ULBP3: variants seen among roughly 807,000 people sequenced by gnomAD.
ULBP3 encodes the protein UL16 binding protein 3.
ULBP3 carries 25 observed loss-of-function variants against 24.9 expected under a neutral mutation model. That is an observed-to-expected ratio of 1.00 (90% CI 0.73 to 1.40). The LOEUF (loss-of-function observed/expected upper bound fraction) is 1.40, where lower values mean the gene tolerates loss of function less well. Ranked by LOEUF, ULBP3 falls within the 40% of genes most tolerant of loss-of-function variation. The pLI is 0.00. For missense variants in ULBP3, 306 were observed against 307.5 expected (o/e 1.00, Z 0.04); for synonymous variants, 114 against 114.7 (o/e 0.99, Z 0.04).
intron 1 of ULBP3, among the ~76,000 whole-genome samples, chr6:150,067,177 A>G (rs1776359272): frequency 6.6e-6 from 1 of 152,152 alleles, no homozygotes; most frequent in South Asian, 2.1e-4. Context: ...AGGAGGCTGA[A>G]AGTTGTCACC....
In ULBP3 at chr6:150,065,582, C is replaced by A; in HGVS notation, c.444G>T (p.Lys148Asn). Residue 148 changes from lysine to asparagine, a missense_variant, in exon 3 of 5, where the codon AAG becomes AAT. Coordinates refer to ENST00000367339, the MANE Select transcript of ULBP3 (RefSeq NM_024518.3). Reference sequence around the variant, plus strand: ...TGTTGTTTGAGTCAAAGAGGAGGAACTTCCGTCCATCGAAGCTGAACTGCC... The same window carrying A: ...TGTTGTTTGAGTCAAAGAGGAGGAAATTCCGTCCATCGAAGCTGAACTGCC... ...GSWQFSFDGR[K>N]FLLFDSNNRK... The A allele has an allele frequency of 6.2e-7, 1 of 1,614,214 alleles. No individual in the cohort carries two copies. The highest frequency in any genetic ancestry group is 8.5e-7 in the Non-Finnish European group (1 of 1,180,028).
At position 150,063,369 on chromosome 6, in the gene ULBP3, C is replaced by T. The variant is rs984006179; in HGVS notation, c.*23-18G>A. The T allele has an allele frequency of 1.0e-6, 1 of 977,978 alleles. No homozygotes were observed. Among genetic ancestry groups the T allele is most frequent in the African/African-American group, 1.8e-5 (1 of 57,088 alleles). 60.6% of individuals were successfully genotyped at this position (977,978 alleles called of 1,614,324 possible). ...CCTTCCACCTTGAGGAAAGATGAAG[C>T]ATTGGTTTAAGTGGCTGAGAAAAAC... On this transcript the variant is annotated intron_variant, in intron 4 of 4. Coordinates refer to ENST00000367339, the MANE Select transcript of ULBP3 (RefSeq NM_024518.3).
chr6:150,063,812 A>T (rs1436644271), intron 4 of ULBP3, among the ~76,000 whole-genome samples: 1 of 152,194 alleles, frequency 6.6e-6, no homozygotes, highest in Admixed American at 6.5e-5. Flanking sequence ...TGCCCCATTC[A>T]TTCCTGGCCA....
rs1200347988 is a variant in ULBP3 at position 150,069,094 on chromosome 6, G to C, written c.-28C>G. On this transcript the variant is annotated 5_prime_UTR_variant, in exon 1 of 5. Coordinates refer to ENST00000367339, the MANE Select transcript of ULBP3 (RefSeq NM_024518.3). ...TAGACCAGGAGCGCCCGGGACACAA[G>C]GCGCAGTCGATGTGGAGACCAGCGT... 6.2e-7 allele frequency: 1 copy of C among 1,602,822 alleles called. No individual in the cohort carries two copies. Among genetic ancestry groups the C allele is most frequent in the African/African-American group, 1.3e-5 (1 of 74,832 alleles).
At chr6:150,068,217 T>G (rs888632983) in intron 1 of ULBP3, among the ~76,000 whole-genome samples, 11 of 152,012 alleles carry the variant, frequency 7.2e-5, no homozygotes, top group African/African-American at 2.7e-4. Flanking sequence ...TTAATGCTAC[T>G]CAGCAACAAA....
Position 150,066,061 on chromosome 6 carries a change from A to T in ULBP3, c.190T>A (p.Ser64Thr), listed in dbSNP as rs1776341843. Residue 64 changes from serine (S) to threonine (T), a missense_variant, in exon 2 of 5, where the codon TCC becomes ACC. Physicochemically the swap from Ser to Thr is moderately conservative, Grantham distance 58. Coordinates refer to ENST00000367339, the MANE Select transcript of ULBP3 (RefSeq NM_024518.3). ...ACCTTGTCACTGCCACAGTCATAGG[A>T]GAGAAAATTCTTCTGATCCACCTGG... ...QSQVDQKNFL[S>T]YDCGSDKVLS... The T allele has an allele frequency of 1.9e-6, 3 of 1,614,218 alleles. No homozygotes were observed. The highest frequency in any genetic ancestry group is 2.5e-6 in the Non-Finnish European group (3 of 1,180,050).
chr6:150,064,527 C>G (rs905711639), intron 4 of ULBP3, 58 bp downstream of exon 4: 35 of 1,502,598 alleles, frequency 2.3e-5, no homozygotes, highest in African/African-American at 4.1e-5. Flanking sequence ...TTCTCCTTTC[C>G]CTTCCTCCCA....
rs1776333211 is a variant in ULBP3 at position 150,065,541 on chromosome 6, ACCACTGT to A, written c.478_484del (p.Thr160PhefsTer8). The A allele has an allele frequency of 6.2e-7, 1 of 1,614,096 alleles. No homozygotes were observed. The highest frequency in any genetic ancestry group is 2.2e-5 in the East Asian group (1 of 44,880). On this transcript the variant is annotated frameshift_variant, in exon 3 of 5. Coordinates refer to ENST00000367339, the MANE Select transcript of ULBP3 (RefSeq NM_024518.3). LOFTEE classifies it high-confidence loss of function. ...TTTCATCCGCCTGGCTCCAGCGTGA[ACCACTGT>A]CCACTTTCTGTTGTTTGAGTCAAAG...
chr6:150,068,067 G>T (rs1310097139), intron 1 of ULBP3, among the ~76,000 whole-genome samples: 1 of 152,112 alleles, frequency 6.6e-6, no homozygotes, highest in Non-Finnish European at 1.5e-5. Flanking sequence ...CCTGGGATGG[G>T]CAGGAGCAGG....
rs1244733281 is a variant in ULBP3, at chr6:150,062,150, A to C, written c.*1224T>G. Reference sequence around the variant, plus strand: ...GACCTTTGTCAGATGCAGAGTTTGCAAATAGTTTCCCCATTCTACACGCTG... The same window carrying C: ...GACCTTTGTCAGATGCAGAGTTTGCCAATAGTTTCCCCATTCTACACGCTG... On this transcript the variant is annotated 3_prime_UTR_variant, in exon 5 of 5. Transcript: ENST00000367339. Among the ~76,000 whole-genome samples the C allele has an allele frequency of 6.6e-6, 1 of 152,206 alleles. No individual in the cohort carries two copies. The highest frequency in any genetic ancestry group is 2.4e-5 in the African/African-American group (1 of 41,446).
intron 3 of ULBP3, among the ~76,000 whole-genome samples, chr6:150,065,116 C>T (rs538002667): frequency 9.2e-5 from 14 of 152,172 alleles, no homozygotes; most frequent in Non-Finnish European, 1.8e-4. Flanking sequence ...CACAATGACG[C>T]CCACAGTTTT....
intron 4 of ULBP3, among the ~76,000 whole-genome samples, chr6:150,064,137 C>T (rs567099832): frequency 1.4e-4 from 21 of 152,300 alleles, no homozygotes; most frequent in South Asian, 2.1e-4. Context: ...TGGGATTCCC[C>T]CAGGTTTCTC....
intron 1 of ULBP3, 76 bp downstream of exon 1, chr6:150,068,903 T>G: frequency 7.0e-7 from 1 of 1,435,670 alleles, no homozygotes; most frequent in South Asian, 1.4e-5. Flanking sequence ...AAGGCTTCCC[T>G]CCTCTGAAAC....
At position 150,062,341 on chromosome 6, in the gene ULBP3, G is replaced by C. The variant is rs1776284139; in HGVS notation, c.*1033C>G. On this transcript the variant is annotated 3_prime_UTR_variant, in exon 5 of 5. Transcript: ENST00000367339. ...TGGTATTTCTTAGCTTATATTCCAG[G>C]ATTTTCACAGTTTTATTACCTGCGC... Among the ~76,000 whole-genome samples, 1 of 152,110 alleles carries C rather than the reference G, an allele frequency of 6.6e-6. No homozygotes were observed. The highest frequency in any genetic ancestry group is 6.6e-5 in the Admixed American group (1 of 15,266).
At position 150,064,659 on chromosome 6, in the gene ULBP3, A is replaced by C. The variant is rs1441043481; in HGVS notation, c.683T>G (p.Leu228Arg). The stretch of plus-strand genomic sequence containing the variant: ...GATGATGAGGAAGCTCCAGGGACTG[A>C]GGGTGGTGGCTATGGCTTTGGGTTG... ...LAQPKAIATT[L>R]SPWSFLIILC... is the part of the protein sequence containing the mutation. The change falls in exon 4 of 5, where the codon CTC becomes CGC. Residue 228 changes from leucine to arginine, a missense_variant. Physicochemically the swap from Leu to Arg is moderately radical, Grantham distance 102. Coordinates refer to ENST00000367339, the MANE Select transcript of ULBP3 (RefSeq NM_024518.3). The C allele has an allele frequency of 6.2e-7, 1 of 1,614,068 alleles. No homozygotes were observed. The highest frequency in any genetic ancestry group is 1.3e-5 in the African/African-American group (1 of 75,022).
chr6:150,063,840 G>A lies in ULBP3; in HGVS notation c.*23-489C>T, dbSNP rs191320285. Among the ~76,000 whole-genome samples, 67 of 152,168 alleles carry A rather than the reference G, an allele frequency of 4.4e-4. No individual in the cohort carries two copies. The East Asian group carries it at 0.013, about 29-fold the overall frequency. On this transcript the variant is annotated intron_variant, in intron 4 of 4. Coordinates refer to ENST00000367339, the MANE Select transcript of ULBP3 (RefSeq NM_024518.3). Reference sequence around the variant, plus strand: ...CCTGGCCAAGCTCAGTGGTGACCACGGACCTCTAGCAGCAGCTCAGCTGCC... The same window carrying A: ...CCTGGCCAAGCTCAGTGGTGACCACAGACCTCTAGCAGCAGCTCAGCTGCC...
Position 150,069,046 on chromosome 6 carries a change from G to A in ULBP3, c.21C>T (p.Pro7=). MAAAAS[P]AILPRLAILP... ...GAATCGCGAGGCGCGGAAGGATCGCGGGGCTGGCGGCCGCTGCCATTGTAG... is the reference window on the plus strand; with the variant it reads ...GAATCGCGAGGCGCGGAAGGATCGCAGGGCTGGCGGCCGCTGCCATTGTAG... Residue 7 remains proline, a synonymous_variant, in exon 1 of 5, where the codon CCC becomes CCT. Transcript: ENST00000367339. The A allele has an allele frequency of 1.2e-6, 2 of 1,610,988 alleles. No homozygotes were observed. Among genetic ancestry groups the A allele is most frequent in the Non-Finnish European group, 1.7e-6 (2 of 1,179,278 alleles).
chr6:150,064,588 T>C lies in ULBP3; in HGVS notation c.*19A>G. ...CTCACAGTTTTGCCCACAGTACCTG[T>C]CACTCTAAATGACTCTTCTCAGATG... On this transcript the variant is annotated 3_prime_UTR_variant, in exon 4 of 5. Transcript: ENST00000367339. 6 of 1,613,188 alleles carry C rather than the reference T, an allele frequency of 3.7e-6. No individual in the cohort carries two copies. The highest frequency in any genetic ancestry group is 5.1e-6 in the Non-Finnish European group (6 of 1,179,272).
rs1211850131 is a variant in ULBP3, at chr6:150,062,994, C to T, written c.*380G>A. 2.0e-5 allele frequency among the ~76,000 whole-genome samples: 3 copies of T among 149,744 alleles called. No individual in the cohort carries two copies. The highest frequency in any genetic ancestry group is 4.4e-5 in the Non-Finnish European group (3 of 67,558). ...GCGGGTGCCTGTAGTCCCAGCTACT[C>T]GGGAGGCTGAGGCAGGAGAATGGCG... On this transcript the variant is annotated 3_prime_UTR_variant, in exon 5 of 5. Transcript: ENST00000367339.
Sources: gnomAD v4.1 joint callset for allele counts (sites outside exome capture counted in the v4.1 genomes callset) on GRCh38, gnomAD v4.1.1 for gene constraint, MANE v1.5 for transcripts, NCBI Gene and HGNC (gene_info 2026-07-23, HGNC 2026-07-21) for gene names.